MCM9: variants seen among roughly 807,000 people sequenced by gnomAD.
MCM9 encodes DNA helicase MCM9.
MCM9 carries 55 observed loss-of-function variants against 72.8 expected under a neutral mutation model. That is an observed-to-expected ratio of 0.76 (90% confidence interval 0.61 to 0.95). The LOEUF is 0.95. MCM9 is among the 40% of genes least tolerant of loss of function. The pLI, the probability that MCM9 is intolerant of heterozygous loss-of-function variation, is 0.00. For missense variants in MCM9, 1,279 were observed against 1,377.0 expected (o/e 0.93, Z 1.13); for synonymous variants, 480 against 503.4 (o/e 0.95, Z 0.62).
Position 118,851,386 on chromosome 6 carries a change from G to C in MCM9, c.1325+4985C>G, listed in dbSNP as rs146065236. On this transcript the variant is annotated intron_variant, in intron 9 of 13. Transcript: ENST00000619706. ...AGAAAAAAGAAACCTTTTCAAGATG[G>C]AGAAATAAAAGGTACAAACCACTGA... 4.0e-3 allele frequency among the ~76,000 whole-genome samples: 606 copies of C among 151,800 alleles called. 24 individuals carry two copies. Among genetic ancestry groups the C allele is most frequent in the African/African-American group, 0.014 (572 of 41,158 alleles).
intron 8 of MCM9, chr6:118,900,933 A>G: frequency 8.1e-7 from 1 of 1,232,058 alleles, no homozygotes; most frequent in Non-Finnish European, 1.2e-6. Context: ...GAAGTAGACT[A>G]TATTATCTAT....
At chr6:118,863,041 A>G (rs1212600979) in intron 8 of MCM9, among the ~76,000 whole-genome samples, 3 of 152,242 alleles carry the variant, frequency 2.0e-5, no homozygotes, top group Non-Finnish European at 4.4e-5. Context: ...AGATCTATAC[A>G]GAGAAAAGTA....
intron 6 of MCM9, among the ~76,000 whole-genome samples, chr6:118,915,085 G>T (rs1327368618): frequency 7.9e-5 from 12 of 152,182 alleles, no homozygotes; most frequent in Non-Finnish European, 1.8e-4. Flanking sequence ...CTGATCTAAA[G>T]ATTTCCTCAC....
At chr6:118,931,971 T>C (rs1416773190) in intron 2 of MCM9, among the ~76,000 whole-genome samples, 1 of 152,194 alleles carries the variant, frequency 6.6e-6, no homozygotes, top group Non-Finnish European at 1.5e-5. Flanking sequence ...GTACTGATTA[T>C]CAAAATCCAA....
chr6:118,838,565 C>T (rs1775132064), intron 9 of MCM9, among the ~76,000 whole-genome samples: 1 of 152,012 alleles, frequency 6.6e-6, no homozygotes, highest in Non-Finnish European at 1.5e-5. Flanking sequence ...GCTGGGACTA[C>T]AGGCACCCGC....
chr6:118,903,888 G>C (rs77650503), intron 8 of MCM9, among the ~76,000 whole-genome samples: 1,583 of 152,208 alleles, frequency 0.01, 30 homozygotes, highest in African/African-American at 0.036. Flanking sequence ...TGCTCAGAGC[G>C]TGAAAAGATT....
At chr6:118,918,589 A>G (rs912539965) in intron 5 of MCM9, 1 of 152,166 alleles carries the variant, frequency 6.6e-6, no homozygotes, top group Non-Finnish European at 1.5e-5. Context: ...TTGGCCTTCC[A>G]TATTTTGGTA....
chr6:118,934,565 C>T (rs1465183099), intron 1 of MCM9: 1 of 151,854 alleles, frequency 6.6e-6, no homozygotes, highest in Non-Finnish European at 1.5e-5. Context: ...GGCCCCGCCC[C>T]ACTCCCTCCG....
intron 9 of MCM9, among the ~76,000 whole-genome samples, chr6:118,838,517 C>A (rs1775129037): frequency 6.6e-6 from 1 of 151,762 alleles, no homozygotes; most frequent in Admixed American, 6.6e-5. Context: ...GTCTTGATCT[C>A]CTGACCTCAT....
intron 3 of MCM9, among the ~76,000 whole-genome samples, chr6:118,930,281 T>C (rs1782297907): frequency 6.6e-6 from 1 of 151,966 alleles, no homozygotes; most frequent in African/African-American, 2.4e-5. Flanking sequence ...CGGCTAATTT[T>C]TTTTGTATTT....
chr6:118,861,685 T>A (rs1583462420), intron 8 of MCM9, among the ~76,000 whole-genome samples: 1 of 152,124 alleles, frequency 6.6e-6, no homozygotes, highest in African/African-American at 2.4e-5. Context: ...TCTGGCTGGG[T>A]CTGGGGTTTT....
intron 4 of MCM9, among the ~76,000 whole-genome samples, chr6:118,922,893 G>A (rs1254280525): frequency 1.3e-5 from 2 of 151,948 alleles, no homozygotes; most frequent in African/African-American, 2.4e-5. Flanking sequence ...TTAGCCAGGC[G>A]AGGTGGCACA....
chr6:118,823,155 GA>G (rs997054253), intron 13 of MCM9, among the ~76,000 whole-genome samples: 4 of 151,858 alleles, frequency 2.6e-5, no homozygotes, highest in Admixed American at 6.6e-5. Context: ...ACTGGGGTAT[GA>G]AAAAAAACTC....
intron 13 of MCM9, among the ~76,000 whole-genome samples, chr6:118,817,943 A>G (rs1440863008): frequency 6.6e-6 from 1 of 151,988 alleles, no homozygotes; most frequent in Non-Finnish European, 1.5e-5. Flanking sequence ...TTCTTTTGGG[A>G]AGTGTCTGTT....
chr6:118,921,892 T>A, intron 5 of MCM9, 113 bp downstream of exon 5: 1 of 761,566 alleles, frequency 1.3e-6, no homozygotes. Flanking sequence ...AGGTGAGCAA[T>A]TACAGCTCTA....
intron 6 of MCM9, among the ~76,000 whole-genome samples, chr6:118,913,984 A>G (rs1780749037): frequency 6.6e-6 from 1 of 152,226 alleles, no homozygotes; most frequent in African/African-American, 2.4e-5. Flanking sequence ...AATCTCAGAA[A>G]TAATGAGTCA....
chr6:118,896,754 A>C (rs963874462), intron 8 of MCM9, among the ~76,000 whole-genome samples: 8 of 152,180 alleles, frequency 5.3e-5, no homozygotes, highest in Non-Finnish European at 8.8e-5. Context: ...GGAAATTTTT[A>C]CTTAGCAAAG....
At chr6:118,857,610 T>C (rs139345043) in intron 8 of MCM9, among the ~76,000 whole-genome samples, 2,625 of 137,490 alleles carry the variant, frequency 0.019, 94 homozygotes, top group African/African-American at 0.071. Flanking sequence ...ATGGATAAAC[T>C]TCTGTCCAGA....
At chr6:118,876,501 T>C (rs1777941091) in intron 8 of MCM9, among the ~76,000 whole-genome samples, 1 of 152,232 alleles carries the variant, frequency 6.6e-6, no homozygotes, top group Non-Finnish European at 1.5e-5. Flanking sequence ...ATAGGAACTA[T>C]AGTTTCTGTT....
Sources: allele counts gnomAD v4.1 joint callset (sites outside exome capture counted in the v4.1 genomes callset), GRCh38; gene constraint gnomAD v4.1.1; transcripts MANE v1.5; gene names NCBI Gene and HGNC (gene_info 2026-07-23, HGNC 2026-07-21).